The following INTS3 variants were observed in gnomAD, a reference collection of about 807,000 sequenced individuals.
The protein encoded by INTS3 is SOSS complex subunit A.
Under a neutral mutation model 146.3 loss-of-function variants are expected in INTS3, and 34 were observed. The ratio of observed to expected loss-of-function variants is 0.23; its 90% CI spans 0.18 to 0.31. The LOEUF is 0.31. INTS3 is among the 10% of genes least tolerant of loss of function. The pLI is 1.00. For missense variants in INTS3, 757 were observed against 1,304.2 expected (o/e 0.58, Z 6.46); for synonymous variants, 475 against 494.9 (o/e 0.96, Z 0.53).
chr1:153,764,064 G>A, intron 17 of INTS3, 54 bp from the exon 18 acceptor site: 1 of 1,443,556 alleles, frequency 6.9e-7, no homozygotes, highest in South Asian at 1.1e-5. Flanking sequence ...GATCGTGGGG[G>A]CAGGAGGGCT....
intron 12 of INTS3, 51 bp from the exon 13 acceptor site, chr1:153,760,776 G>T: frequency 7.2e-7 from 1 of 1,385,952 alleles, no homozygotes; most frequent in Non-Finnish European, 1.0e-6. Context: ...TTCAGCGGAA[G>T]CCTCTGGATG....
chr1:153,742,476 C>CTGTGTGTGTGTGTGTGTGTGTGTGTG (rs1161319800), intron 3 of INTS3, among the ~76,000 whole-genome samples: 4 of 60,308 alleles, frequency 6.6e-5, no homozygotes, highest in African/African-American at 2.4e-4. Flanking sequence ...GTTTTTTAAT[C>CTGTGTGTGTGTGTGTGTGTGTGTGTG]TCTGTGTGTG....
Position 153,763,868 on chromosome 1 carries a change from T to A in INTS3, c.1803T>A (p.Ile601=), listed in dbSNP as rs963083945. The A allele has an allele frequency of 5.0e-6, 8 of 1,613,868 alleles. No homozygotes were observed. In the Admixed American group the frequency reaches 5.0e-5, roughly 10 times the overall value. Reference sequence around the variant, plus strand: ...CCCAGTGTGAGGTCATGCAGGAAATTGTGGACCAGGTCCTGGAGGTGAGGA... The same window carrying A: ...CCCAGTGTGAGGTCATGCAGGAAATAGTGGACCAGGTCCTGGAGGTGAGGA... ...TEAQCEVMQE[I]VDQVLEEDFD... The change falls in exon 17 of 30, where the codon ATT becomes ATA. Residue 601 remains isoleucine (I), a synonymous_variant. Coordinates refer to ENST00000318967, the MANE Select transcript of INTS3 (RefSeq NM_023015.5).
intron 18 of INTS3, 124 bp from the exon 19 acceptor site, chr1:153,764,566 A>C (rs766402674): frequency 1.6e-5 from 13 of 798,356 alleles, no homozygotes; most frequent in African/African-American, 8.4e-5. Context: ...AAGCCTGCGG[A>C]GCAGCAGGAA....
intron 1 of INTS3, among the ~76,000 whole-genome samples, chr1:153,731,799 A>G (rs1339680469): frequency 1.4e-5 from 2 of 147,660 alleles, no homozygotes; most frequent in African/African-American, 2.5e-5. Flanking sequence ...GTTAGCCAGG[A>G]TGGTCTCTAT....
chr1:153,747,147 G>A (rs1671780694), intron 4 of INTS3, 77 bp downstream of exon 4: 1 of 1,317,794 alleles, frequency 7.6e-7, no homozygotes, highest in African/African-American at 1.4e-5. Flanking sequence ...ACGGGAAAGA[G>A]GAATCAGGGC....
rs372712062 is a variant in INTS3, at chr1:153,733,622, T to G, written c.150+4838T>G. Among the ~76,000 whole-genome samples, 1,109 of 151,870 alleles carry G rather than the reference T, an allele frequency of 7.3e-3. 17 individuals are homozygous for G. Among genetic ancestry groups the G allele is most frequent in the African/African-American group, 0.024 (1,009 of 41,398 alleles). On this transcript the variant is annotated intron_variant, in intron 1 of 29. Transcript: ENST00000318967. ...AGTATTTACTGTATGCTTTTTTTTG[T>G]GGGGAGATGGATTCTCGCTCCGTCA...
chr1:153,771,966 G>A lies in INTS3; in HGVS notation c.2720+3G>A. 1 of 1,611,614 alleles carries A rather than the reference G, an allele frequency of 6.2e-7. No individual in the cohort carries two copies. Among genetic ancestry groups the A allele is most frequent in the South Asian group, 1.1e-5 (1 of 90,736 alleles). ...AGCCTGCCTCGCAAGAGACAGAGGTGGGACACGGTCCCTGTCTACCCTCCA... is the reference window on the plus strand; with the variant it reads ...AGCCTGCCTCGCAAGAGACAGAGGTAGGACACGGTCCCTGTCTACCCTCCA... On this transcript the variant is annotated splice_donor_region_variant and intron_variant, in intron 26 of 29. Transcript: ENST00000318967.
At chr1:153,740,373 T>TAG (rs1382787545) in intron 1 of INTS3, among the ~76,000 whole-genome samples, 2 of 152,196 alleles carry the variant, frequency 1.3e-5, no homozygotes, top group Non-Finnish European at 2.9e-5. Context: ...GTGCTAGGAT[T>TAG]AGAGGCATGA....
intron 15 of INTS3, 136 bp downstream of exon 15, chr1:153,762,983 A>G: frequency 8.3e-7 from 1 of 1,202,492 alleles, no homozygotes; most frequent in Non-Finnish European, 1.2e-6. Context: ...TATCTGGATG[A>G]GACTCCAGAA....
At chr1:153,740,803 G>A (rs1208039292) in intron 2 of INTS3, 69 bp downstream of exon 2, 1 of 1,257,652 alleles carries the variant, frequency 8.0e-7, no homozygotes, top group Non-Finnish European at 1.2e-6. Context: ...TCAAAAAGAT[G>A]GAAAGACTAA....
intron 20 of INTS3, among the ~76,000 whole-genome samples, chr1:153,766,108 TC>T (rs1447018243): frequency 6.7e-6 from 1 of 149,852 alleles, no homozygotes; most frequent in Admixed American, 6.6e-5. Context: ...CTTGCTTTTT[TC>T]TTTCTCTTTT....
At chr1:153,740,348 C>T (rs891765391) in intron 1 of INTS3, among the ~76,000 whole-genome samples, 9 of 152,196 alleles carry the variant, frequency 5.9e-5, no homozygotes, top group Non-Finnish European at 1.0e-4. Context: ...GATCTGCCCA[C>T]CTCGGCCTCC....
At chr1:153,763,189 G>A in intron 15 of INTS3, 44 bp from the exon 16 acceptor site, 1 of 1,613,568 alleles carries the variant, frequency 6.2e-7, no homozygotes, top group Non-Finnish European at 8.5e-7. Flanking sequence ...CTCTGTTGCT[G>A]GCATCTGGGC....
chr1:153,753,940 C>T (rs185199706), intron 8 of INTS3: 2,431 of 150,006 alleles, frequency 0.016, 41 homozygotes, highest in Non-Finnish European at 0.021. Flanking sequence ...CAGGCATGAG[C>T]CACCGCACCT....
intron 3 of INTS3, among the ~76,000 whole-genome samples, chr1:153,745,404 G>A (rs1244076106): frequency 6.6e-6 from 1 of 151,754 alleles, no homozygotes; most frequent in Non-Finnish European, 1.5e-5. Flanking sequence ...TGATCCACAC[G>A]CCTCGGCCTC....
At chr1:153,729,087 C>A (rs1270978132) in intron 1 of INTS3, among the ~76,000 whole-genome samples, 2 of 152,104 alleles carry the variant, frequency 1.3e-5, no homozygotes, top group Admixed American at 1.3e-4. Flanking sequence ...GACATACACA[C>A]CCCAGCTATT....
At chr1:153,760,258 AGAG>A (rs1235485847) in intron 11 of INTS3, 50 bp from the exon 12 acceptor site, 29 of 858,938 alleles carry the variant, frequency 3.4e-5, no homozygotes, top group African/African-American at 1.3e-4. Flanking sequence ...AAAAAAAAAA[AGAG>A]AGAGAGAGAC....
At chr1:153,771,694 T>TG in intron 25 of INTS3, 102 bp from the exon 26 acceptor site, 2 of 1,093,468 alleles carry the variant, frequency 1.8e-6, no homozygotes, top group Non-Finnish European at 2.7e-6. Context: ...GTGAGAGTAG[T>TG]GGGTGGGTGG....
Sources: gnomAD v4.1 joint callset for allele counts (sites outside exome capture counted in the v4.1 genomes callset) on GRCh38, gnomAD v4.1.1 for gene constraint, MANE v1.5 for transcripts, NCBI Gene and HGNC (gene_info 2026-07-23, HGNC 2026-07-21) for gene names.